PTPRT: variants seen among roughly 807,000 people sequenced by gnomAD.
The protein encoded by PTPRT is receptor-type tyrosine-protein phosphatase T.
A neutral mutation model predicts 176.8 loss-of-function variants in PTPRT; 56 were observed. The observed-to-expected ratio is 0.32, with a 90% CI of 0.26 to 0.40. The LOEUF is 0.40. PTPRT is among the 10% of genes least tolerant of loss of function. The pLI, the probability that PTPRT is intolerant of heterozygous loss-of-function variation, is 1.00. For missense variants in PTPRT, 1,540 were observed against 1,908.2 expected (o/e 0.81, Z 3.60); for synonymous variants, 783 against 739.0 (o/e 1.06, Z -0.96).
At chr20:42,661,080 A>T (rs1393542410) in intron 7 of PTPRT, among the ~76,000 whole-genome samples, 6 of 151,982 alleles carry the variant, frequency 3.9e-5, no homozygotes, top group Admixed American at 2.0e-4. Context: ...AGAACTCCTG[A>T]CCTTGTGATC....
chr20:42,823,417 G>A (rs1348914787), intron 2 of PTPRT, among the ~76,000 whole-genome samples: 1 of 151,652 alleles, frequency 6.6e-6, no homozygotes, highest in Non-Finnish European at 1.5e-5. Flanking sequence ...AGGGAACTTA[G>A]AGGATGGGTC....
chr20:42,224,807 C>A (rs375467942), intron 15 of PTPRT, among the ~76,000 whole-genome samples: 28 of 152,314 alleles, frequency 1.8e-4, no homozygotes, highest in African/African-American at 6.3e-4. Context: ...AGAAAGGCAA[C>A]ATTTCTAATG....
chr20:42,476,674 C>T (rs1048316186), intron 7 of PTPRT, among the ~76,000 whole-genome samples: 10 of 152,132 alleles, frequency 6.6e-5, no homozygotes, highest in African/African-American at 2.4e-4. Context: ...CCTAGAGATT[C>T]GGTACCTGCA....
intron 1 of PTPRT, among the ~76,000 whole-genome samples, chr20:43,037,013 C>A (rs1219733546): frequency 6.6e-6 from 1 of 152,136 alleles, no homozygotes; most frequent in Non-Finnish European, 1.5e-5. Context: ...ATACATAAAT[C>A]TTTGGCAAGA....
intron 11 of PTPRT, among the ~76,000 whole-genome samples, chr20:42,329,053 A>G (rs886580532): frequency 2.6e-5 from 4 of 152,136 alleles, no homozygotes; most frequent in Non-Finnish European, 5.9e-5. Flanking sequence ...AGATAGCAGA[A>G]GACACCACAA....
intron 2 of PTPRT, among the ~76,000 whole-genome samples, chr20:42,883,411 A>C (rs2079035564): frequency 6.6e-6 from 1 of 152,008 alleles, no homozygotes; most frequent in African/African-American, 2.4e-5. Context: ...GAAAAAAGAG[A>C]AACATGGCCC....
intron 7 of PTPRT, among the ~76,000 whole-genome samples, chr20:42,548,690 A>G (rs1268827247): frequency 6.6e-6 from 1 of 152,202 alleles, no homozygotes; most frequent in African/African-American, 2.4e-5. Context: ...CAGATTGGGA[A>G]AAGATACTTG....
Position 42,122,586 on chromosome 20 carries a change from G to A in PTPRT, c.2848-2615C>T, listed in dbSNP as rs1336162234. On this transcript the variant is annotated intron_variant, in intron 19 of 30. Coordinates refer to ENST00000373187, the MANE Select transcript of PTPRT (RefSeq NM_007050.6). The stretch of plus-strand genomic sequence containing the variant: ...ATCCTGGAAAGATGCAGTTTCTCAA[G>A]TCTGCCCTCTTCTGCCATTCCCATC... Among the ~76,000 whole-genome samples, 5 of 152,160 alleles carry A rather than the reference G, an allele frequency of 3.3e-5. No homozygotes were observed. In the South Asian group the frequency reaches 8.3e-4, roughly 25 times the overall value.
rs765455899 is a variant in PTPRT at position 42,119,942 on chromosome 20, C to T, written c.2877G>A (p.Ala959=). The T allele has an allele frequency of 1.9e-5, 30 of 1,608,596 alleles. No individual in the cohort carries two copies. Among genetic ancestry groups the T allele is most frequent in the Admixed American group, 5.1e-5 (3 of 59,342 alleles). ...TGGAGGGAGGGCACTTACCTTGAGT[C>T]GCAATGTAGTGCCGAGGTCGATGGT... ...DGYHRPRHYI[A]TQGPMQETVK... The change falls in exon 20 of 31, where the codon GCG becomes GCA. Residue 959 remains alanine, a synonymous_variant. Coordinates refer to ENST00000373187, the MANE Select transcript of PTPRT (RefSeq NM_007050.6).
intron 2 of PTPRT, among the ~76,000 whole-genome samples, chr20:42,883,712 A>G: frequency 1.1e-5 from 1 of 89,978 alleles, no homozygotes; most frequent in Non-Finnish European, 2.2e-5. Context: ...ACACCCCCAT[A>G]CACACACACC....
At position 42,551,053 on chromosome 20, in the gene PTPRT, T is replaced by C. The variant is rs548930972; in HGVS notation, c.1154-78491A>G. The stretch of plus-strand genomic sequence containing the variant: ...GGGCCTGGTGTATAAATTGGGGTAA[T>C]GATAGCTTCTTCATGCATTGTTTTT... On this transcript the variant is annotated intron_variant, in intron 7 of 30. Coordinates refer to ENST00000373187, the MANE Select transcript of PTPRT (RefSeq NM_007050.6). 2.6e-5 allele frequency among the ~76,000 whole-genome samples: 4 copies of C among 152,270 alleles called. 1 individual carries two copies. Among genetic ancestry groups the C allele is most frequent in the African/African-American group, 7.2e-5 (3 of 41,566 alleles).
the PTPRT span, among the ~76,000 whole-genome samples, chr20:42,053,480 T>A: frequency 6.6e-6 from 1 of 152,226 alleles, no homozygotes; most frequent in East Asian, 1.9e-4. Flanking sequence ...GCTGTGGGCC[T>A]CAATGGACTC....
Position 42,077,827 on chromosome 20 carries a change from C to A in PTPRT, c.*3052G>T. ...CATGGCCTGAGATTTTTTTTTTTTG[C>A]AAGTTTGTTTCTCCCTGAAGTCACA... On this transcript the variant is annotated 3_prime_UTR_variant, in exon 31 of 31. Transcript: ENST00000373187. 1 of 96,552 alleles carries A rather than the reference C, an allele frequency of 1.0e-5. No individual in the cohort carries two copies. The highest frequency in any genetic ancestry group is 2.0e-5 in the Non-Finnish European group (1 of 50,948). 6.0% of individuals were successfully genotyped at this position (96,552 alleles called of 1,614,324 possible). A position where few individuals can be genotyped will look rare whatever the true frequency, so the allele number is the denominator to read the frequency against.
chr20:42,718,862 A>T (rs183939446), intron 6 of PTPRT, among the ~76,000 whole-genome samples: 13 of 152,294 alleles, frequency 8.5e-5, no homozygotes, highest in African/African-American at 3.1e-4. Flanking sequence ...ATCCACACAC[A>T]CACCAAAAAA....
intron 1 of PTPRT, among the ~76,000 whole-genome samples, chr20:42,944,696 G>T (rs751506019): frequency 2.6e-5 from 4 of 152,082 alleles, no homozygotes; most frequent in Non-Finnish European, 5.9e-5. Context: ...TCTTCCACCA[G>T]GTCTCAGTTT....
chr20:43,106,666 GA>G (rs71193676), intron 1 of PTPRT, among the ~76,000 whole-genome samples: 3,695 of 86,936 alleles, frequency 0.043, 101 homozygotes, highest in African/African-American at 0.12. Context: ...CTCAAAAAAA[GA>G]AAAAAAAAAA....
At chr20:42,252,888 G>T (rs1164377340) in intron 13 of PTPRT, among the ~76,000 whole-genome samples, 1 of 152,224 alleles carries the variant, frequency 6.6e-6, no homozygotes, top group Admixed American at 6.5e-5. Context: ...GAGGTTTTTA[G>T]AAAAATCCAT....
chr20:42,782,859 A>G (rs994492666), intron 3 of PTPRT, among the ~76,000 whole-genome samples: 2 of 152,238 alleles, frequency 1.3e-5, no homozygotes, highest in Non-Finnish European at 2.9e-5. Context: ...TAGAAAAAAC[A>G]CATGAGTCAA....
chr20:42,757,052 TAAAAA>T (rs554308907), intron 5 of PTPRT, among the ~76,000 whole-genome samples: 11 of 118,610 alleles, frequency 9.3e-5, no homozygotes, highest in Non-Finnish European at 1.3e-4. Flanking sequence ...CCTGCCTCTT[TAAAAA>T]AAAAAAAAAA....
Sources: allele counts gnomAD v4.1 joint callset (sites outside exome capture counted in the v4.1 genomes callset), GRCh38; gene constraint gnomAD v4.1.1; transcripts MANE v1.5; gene names NCBI Gene and HGNC (gene_info 2026-07-23, HGNC 2026-07-21).